PPWD1: variants seen among roughly 807,000 people sequenced by gnomAD.
PPWD1 encodes the protein peptidylprolyl isomerase domain and WD repeat-containing protein 1.
Under a neutral mutation model 68.8 loss-of-function variants are expected in PPWD1, and 43 were observed. The ratio of observed to expected loss-of-function variants is 0.62; its 90% confidence interval spans 0.49 to 0.81. PPWD1 has a LOEUF of 0.81. Ranked by LOEUF, PPWD1 falls within the 30% of genes least tolerant of loss-of-function variation. The pLI is 0.00. For synonymous variants in PPWD1, 232 were observed against 258.7 expected, an observed-to-expected ratio of 0.90 and a Z score of 0.99; for missense variants, 672 against 804.8, an observed-to-expected ratio of 0.83 and a Z score of 2.00.
Position 65,583,223 on chromosome 5 carries a change from T to C in PPWD1, c.1532+4T>C, listed in dbSNP as rs201191647. ...ACACCAAACTTTTTCCTGTTGAGTA[T>C]GTATAACAACTGTTTTTATTGGCTT... On this transcript the variant is annotated splice_donor_region_variant and intron_variant, in intron 8 of 10. Coordinates refer to ENST00000261308, the MANE Select transcript of PPWD1 (RefSeq NM_015342.4). The C allele has an allele frequency of 2.6e-6, 4 of 1,561,106 alleles. No homozygotes were observed. The highest frequency in any genetic ancestry group is 4.6e-5 in the East Asian group (2 of 43,856).
intron 6 of PPWD1, among the ~76,000 whole-genome samples, chr5:65,578,780 A>ATG (rs554498010): frequency 4.0e-3 from 472 of 118,378 alleles, no homozygotes; most frequent in Non-Finnish European, 6.4e-3. Context: ...ATACATATAT[A>ATG]TGTGTATATA....
chr5:65,570,113 G>A, intron 4 of PPWD1, 115 bp downstream of exon 4: 10 of 1,204,726 alleles, frequency 8.3e-6, no homozygotes, highest in Non-Finnish European at 1.1e-5. Context: ...TAAATAAAAT[G>A]TGCTGTTGGG....
At position 65,563,457 on chromosome 5, in the gene PPWD1, C is replaced by G; in HGVS notation, c.147C>G (p.Arg49=). ...SQENDEENEE[R]WVGPLPVEAT... is the part of the protein sequence containing the mutation. Reference sequence around the variant, plus strand: ...AGAACGATGAGGAGAACGAAGAGCGCTGGGTTGGACCTTTACCTGTGGAGG... The same window carrying G: ...AGAACGATGAGGAGAACGAAGAGCGGTGGGTTGGACCTTTACCTGTGGAGG... Residue 49 remains arginine (R), a synonymous_variant, in exon 1 of 11, where the codon CGC becomes CGG. Transcript: ENST00000261308. 1 of 1,614,028 alleles carries G rather than the reference C, an allele frequency of 6.2e-7. No individual in the cohort carries two copies. Among genetic ancestry groups the G allele is most frequent in the Non-Finnish European group, 8.5e-7 (1 of 1,179,984 alleles).
intron 5 of PPWD1, among the ~76,000 whole-genome samples, chr5:65,574,801 A>G (rs547867481): frequency 1.4e-4 from 21 of 152,342 alleles, no homozygotes; most frequent in African/African-American, 4.3e-4. Context: ...GAGCTGCTCA[A>G]TCCACTCTAT....
intron 6 of PPWD1, among the ~76,000 whole-genome samples, chr5:65,578,782 G>GTATA (rs1161008654): frequency 6.7e-5 from 8 of 120,296 alleles, no homozygotes; most frequent in Non-Finnish European, 1.3e-4. Context: ...ACATATATAT[G>GTATA]TGTATATATA....
At position 65,576,673 on chromosome 5, in the gene PPWD1, C is replaced by T. The variant is rs1753300355; in HGVS notation, c.970-206C>T. 4 of 785,250 alleles carry T rather than the reference C, an allele frequency of 5.1e-6. No individual in the cohort carries two copies. In the South Asian group the frequency reaches 2.3e-4, roughly 46 times the overall value. The allele number at this position is 785,250 out of a possible 1,614,324, so 48.6% of individuals were successfully genotyped here. ...TAGAGGCATAAGCCACCATGCCCAG[C>T]CTGAAATACTATTTTTTAGTGATTG... On this transcript the variant is annotated intron_variant, in intron 5 of 10. Coordinates refer to ENST00000261308, the MANE Select transcript of PPWD1 (RefSeq NM_015342.4).
chr5:65,566,820 CTT>C (rs762925536), intron 1 of PPWD1, among the ~76,000 whole-genome samples: 5 of 94,718 alleles, frequency 5.3e-5, no homozygotes, highest in Admixed American at 1.0e-4. Context: ...CCCTTTCTTT[CTT>C]TTTTTTTTTT....
chr5:65,572,188 G>A lies in PPWD1; in HGVS notation c.871G>A (p.Asp291Asn), dbSNP rs760774819. 1 of 1,613,810 alleles carries A rather than the reference G, an allele frequency of 6.2e-7. No individual in the cohort carries two copies. The highest frequency in any genetic ancestry group is 1.1e-5 in the South Asian group (1 of 91,082). The change falls in exon 5 of 11, where the codon GAT (aspartate) becomes AAT (asparagine). Residue 291 changes from aspartate to asparagine, a missense_variant. Asp to Asn is a conservative substitution (Grantham distance 23). This residue lies in a region of PPWD1 where 484 missense variants were observed against 646.2 expected (regional missense o/e 0.75). Coordinates refer to ENST00000261308, the MANE Select transcript of PPWD1 (RefSeq NM_015342.4). ...AYPTSVCFSPDGKKIATIGSD... is the reference protein window; with the variant it reads ...AYPTSVCFSPNGKKIATIGSD... ...TCCAACCAGCGTATGTTTTTCACCA[G>A]ATGGGAAGAAAATAGCTACTATTGG...
At position 65,568,298 on chromosome 5, in the gene PPWD1, CTTTTT is replaced by C. The variant is rs369077366; in HGVS notation, c.299+686_299+690del. On this transcript the variant is annotated intron_variant, in intron 2 of 10. Transcript: ENST00000261308. Reference sequence around the variant, plus strand: ...CCCAGGTACTATGCTAAGGCTTTTTCTTTTTTTATCTATCAAGTTAAGGCTTTTTC... The same window carrying C: ...CCCAGGTACTATGCTAAGGCTTTTTCTTATCTATCAAGTTAAGGCTTTTTC... 2.0e-5 allele frequency among the ~76,000 whole-genome samples: 3 copies of C among 152,030 alleles called. 1 individual carries two copies. Among genetic ancestry groups the C allele is most frequent in the African/African-American group, 7.2e-5 (3 of 41,418 alleles).
intron 1 of PPWD1, among the ~76,000 whole-genome samples, chr5:65,564,414 C>T (rs148040392): frequency 0.014 from 2,190 of 151,292 alleles, 47 homozygotes; most frequent in African/African-American, 0.051. Flanking sequence ...CCGCAACCTC[C>T]GTCTCCGGGG....
intron 4 of PPWD1, 84 bp downstream of exon 4, chr5:65,570,082 A>G (rs1268784329): frequency 7.5e-7 from 1 of 1,331,822 alleles, no homozygotes; most frequent in Non-Finnish European, 1.0e-6. Flanking sequence ...GTTATTTCTA[A>G]ATAGTATATT....
chr5:65,572,483 C>T (rs960980983), intron 5 of PPWD1, among the ~76,000 whole-genome samples, 197 bp downstream of exon 5: 3 of 152,006 alleles, frequency 2.0e-5, no homozygotes, highest in East Asian at 1.9e-4. Flanking sequence ...TTATGATGTG[C>T]GTTTTTCAAG....
At chr5:65,582,881 C>A in intron 7 of PPWD1, 157 bp from the exon 8 acceptor site, 1 of 933,110 alleles carries the variant, frequency 1.1e-6, no homozygotes, top group Non-Finnish European at 1.5e-6. Context: ...AATTTAATTG[C>A]CTGACACATC....
chr5:65,563,498 A>C lies in PPWD1; in HGVS notation c.188A>C (p.Lys63Thr), dbSNP rs770914084. The C allele has an allele frequency of 2.5e-6, 4 of 1,612,196 alleles. No homozygotes were observed. The highest frequency in any genetic ancestry group is 1.7e-5 in the Admixed American group (1 of 59,494). Residue 63 changes from lysine (K) to threonine (T), a missense_variant, in exon 1 of 11, where the codon AAG (lysine) becomes ACG (threonine). Physicochemically the swap from Lys to Thr is moderately conservative, Grantham distance 78. Around this residue, in one of 2 missense-constraint regions of PPWD1, gnomAD observed 188 missense variants for 158.6 expected, o/e 1.19. Coordinates refer to ENST00000261308, the MANE Select transcript of PPWD1 (RefSeq NM_015342.4). ...PLPVEATLAK[K>T]RKVLEFERVY... ...CCTGTGGAGGCAACACTGGCCAAGA[A>C]GAGGAAAGGTAGCTGCAGACATAGT...
rs201469847 is a variant in PPWD1 at position 65,563,648 on chromosome 5, ATACT to A, written c.196+144_196+147del. ...CCGTCCTCTCACTTCTGGCTACTCC[ATACT>A]TGCATGTCTTAACGAAATAGTGATT... On this transcript the variant is annotated intron_variant, in intron 1 of 10. Transcript: ENST00000261308. The A allele has an allele frequency of 1.5e-3, 1,973 of 1,339,580 alleles. 17 individuals carry two copies. In the African/African-American group the frequency reaches 0.021, roughly 14 times the overall value. 83.0% of individuals were successfully genotyped at this position (1,339,580 alleles called of 1,614,324 possible). A position where few individuals can be genotyped will look rare whatever the true frequency, so the allele number is the denominator to read the frequency against.
chr5:65,569,847 TA>T (rs1460194366), intron 3 of PPWD1, 30 bp from the exon 4 acceptor site: 5 of 1,577,008 alleles, frequency 3.2e-6, no homozygotes, highest in Non-Finnish European at 3.5e-6. Context: ...TGTTATTTAC[TA>T]GAATGTTTTA....
chr5:65,577,132 A>G (rs1195213818), intron 6 of PPWD1, 63 bp downstream of exon 6: 13 of 1,542,002 alleles, frequency 8.4e-6, no homozygotes, highest in Middle Eastern at 1.8e-4. Flanking sequence ...TTCCTCCATC[A>G]TGGGAACAGT....
chr5:65,569,940 A>G lies in PPWD1; in HGVS notation c.463A>G (p.Lys155Glu). The part of the protein sequence containing the change: ...GALFCSVGDD[K>E]AMKVFDVVNF... ...ATTGTTCTGTTCTGTGGGTGATGAT[A>G]AAGCAATGAAGGTGTTTGATGTAGT... The change falls in exon 4 of 11, where the codon AAA becomes GAA. Residue 155 changes from lysine (K) to glutamate (E), a missense_variant. This residue lies in a region of PPWD1 where 484 missense variants were observed against 646.2 expected (regional missense o/e 0.75). Coordinates refer to ENST00000261308, the MANE Select transcript of PPWD1 (RefSeq NM_015342.4). 3 of 1,612,536 alleles carry G rather than the reference A, an allele frequency of 1.9e-6. No individual in the cohort carries two copies. Among genetic ancestry groups the G allele is most frequent in the Non-Finnish European group, 2.5e-6 (3 of 1,178,930 alleles).
intron 8 of PPWD1, 86 bp from the exon 9 acceptor site, chr5:65,584,928 A>G (rs748349770): frequency 4.0e-6 from 6 of 1,504,496 alleles, no homozygotes; most frequent in Non-Finnish European, 5.3e-6. Flanking sequence ...CATGGAAAGG[A>G]AACATCATTA....
Sources: gnomAD v4.1 joint callset for allele counts (sites outside exome capture counted in the v4.1 genomes callset) on GRCh38, gnomAD v4.1.1 for gene constraint, gnomAD v4.1.1 regional missense constraint, MANE v1.5 for transcripts, NCBI Gene and HGNC (gene_info 2026-07-23, HGNC 2026-07-21) for gene names.